FER1L6: variants seen among roughly 807,000 people sequenced by gnomAD.
FER1L6 encodes fer-1-like protein 6.
A neutral mutation model predicts 219.2 loss-of-function variants in FER1L6; 177 were observed. That is an observed-to-expected ratio of 0.81 (90% CI 0.71 to 0.91). The LOEUF (loss-of-function observed/expected upper bound fraction) is 0.91, where lower values mean the gene tolerates loss of function less well. FER1L6 is among the 40% of genes least tolerant of loss of function. The probability of loss-of-function intolerance (pLI) is 0.00; values close to 1 mark genes in which losing one functional copy is unlikely to be tolerated. For missense variants in FER1L6, 2,153 were observed against 2,259.9 expected (o/e 0.95, Z 0.96); for synonymous variants, 768 against 824.3 (o/e 0.93, Z 1.17).
At chr8:123,958,970 G>A (rs777257667) in intron 2 of FER1L6, among the ~76,000 whole-genome samples, 6 of 151,950 alleles carry the variant, frequency 3.9e-5, no homozygotes, top group Non-Finnish European at 8.8e-5. Flanking sequence ...GGCCACGCAG[G>A]CAGTAAGCGT....
chr8:123,910,237 A>G (rs1223150606), intron 1 of FER1L6, among the ~76,000 whole-genome samples: 1 of 152,210 alleles, frequency 6.6e-6, no homozygotes, highest in Non-Finnish European at 1.5e-5. Flanking sequence ...TCAAACAGTA[A>G]TGATGATAAT....
At position 123,897,890 on chromosome 8, in the gene FER1L6, T is replaced by A. The variant is rs554738856; in HGVS notation, c.-8+45705T>A. On this transcript the variant is annotated intron_variant, in intron 1 of 40. Coordinates refer to ENST00000522917, the MANE Select transcript of FER1L6 (RefSeq NM_001039112.2). ...TGTTAGGCTTTATGGGACATTTGTCTCTGTCATGACTACTCAACTCAGCTG... is the reference window on the plus strand; with the variant it reads ...TGTTAGGCTTTATGGGACATTTGTCACTGTCATGACTACTCAACTCAGCTG... Among the ~76,000 whole-genome samples the A allele has an allele frequency of 7.9e-5, 12 of 152,332 alleles. No individual in the cohort carries two copies. The East Asian group carries it at 2.3e-3, about 29-fold the overall frequency.
intron 1 of FER1L6, among the ~76,000 whole-genome samples, chr8:123,916,524 C>T (rs934072549): frequency 6.6e-6 from 1 of 152,168 alleles, no homozygotes; most frequent in Non-Finnish European, 1.5e-5. Context: ...ACAATCAGTT[C>T]CATCTAGTCA....
intron 1 of FER1L6, among the ~76,000 whole-genome samples, chr8:123,867,138 C>T (rs1406822748): frequency 1.3e-5 from 2 of 152,066 alleles, no homozygotes; most frequent in Non-Finnish European, 2.9e-5. Flanking sequence ...AAAGTGTTGC[C>T]TAGACCAATG....
chr8:124,064,547 GAGCCACCA>G lies in FER1L6; in HGVS notation c.3531_3538del (p.Pro1178ArgfsTer5), dbSNP rs1453972315. The G allele has an allele frequency of 5.6e-6, 9 of 1,609,830 alleles. No individual in the cohort carries two copies. Among genetic ancestry groups the G allele is most frequent in the Non-Finnish European group, 7.6e-6 (9 of 1,179,052 alleles). On this transcript the variant is annotated frameshift_variant, in exon 26 of 41. Coordinates refer to ENST00000522917, the MANE Select transcript of FER1L6 (RefSeq NM_001039112.2). LOFTEE classifies it high-confidence loss of function. ...GCCTGAACACACACCTGTAGCCCAG[GAGCCACCA>G]AAAGATGGAAAACCTAAGGTCAGAC...
At chr8:123,866,346 AT>A (rs1398114556) in intron 1 of FER1L6, among the ~76,000 whole-genome samples, 1 of 151,724 alleles carries the variant, frequency 6.6e-6, no homozygotes, top group Non-Finnish European at 1.5e-5. Flanking sequence ...GTATATAAAA[AT>A]ATGTATATAT....
intron 39 of FER1L6, among the ~76,000 whole-genome samples, chr8:124,116,367 C>A (rs1421273995): frequency 1.4e-5 from 2 of 148,112 alleles, no homozygotes; most frequent in Non-Finnish European, 3.0e-5. Context: ...GCATGAAACA[C>A]CATGCAAGTT....
intron 1 of FER1L6, among the ~76,000 whole-genome samples, chr8:123,914,167 T>C (rs1273008849): frequency 6.6e-6 from 1 of 152,222 alleles, no homozygotes; most frequent in African/African-American, 2.4e-5. Context: ...GTGGCTACCA[T>C]ATTGGACAGT....
At chr8:124,023,762 G>T (rs1227667834) in intron 18 of FER1L6, among the ~76,000 whole-genome samples, 166 bp downstream of exon 18, 1 of 152,128 alleles carries the variant, frequency 6.6e-6, no homozygotes, top group Non-Finnish European at 1.5e-5. Context: ...CAATTCAGTA[G>T]ACCACCTTTA....
At chr8:124,074,838 G>A (rs953103823) in intron 31 of FER1L6, among the ~76,000 whole-genome samples, 1 of 152,122 alleles carries the variant, frequency 6.6e-6, no homozygotes, top group African/African-American at 2.4e-5. Flanking sequence ...CTATAAACCT[G>A]TGTAGCACAT....
rs1484960218 is a variant in FER1L6, at chr8:123,906,526, G to A, written c.-7-49466G>A. On this transcript the variant is annotated intron_variant, in intron 1 of 40. Transcript: ENST00000522917. Reference sequence around the variant, plus strand: ...TATAATAAAATGATTGTGGCTGGGTGCAGTGGCTCACACCTGTAATCCCAG... The same window carrying A: ...TATAATAAAATGATTGTGGCTGGGTACAGTGGCTCACACCTGTAATCCCAG... 2.6e-5 allele frequency among the ~76,000 whole-genome samples: 4 copies of A among 152,244 alleles called. No homozygotes were observed. The East Asian group carries it at 5.8e-4, about 22-fold the overall frequency.
At chr8:123,857,961 G>C (rs1816678000) in intron 1 of FER1L6, among the ~76,000 whole-genome samples, 1 of 152,204 alleles carries the variant, frequency 6.6e-6, no homozygotes, top group Admixed American at 6.5e-5. Flanking sequence ...CATCTCACCT[G>C]TGAGTGAGGT....
intron 1 of FER1L6, among the ~76,000 whole-genome samples, chr8:123,899,826 G>A (rs11775197): frequency 0.31 from 47,644 of 151,852 alleles, 8,188 homozygotes; most frequent in Middle Eastern, 0.41. Context: ...GTTTATTTCC[G>A]AGTTCTCTAT....
At chr8:123,907,471 G>A (rs1435525831) in intron 1 of FER1L6, among the ~76,000 whole-genome samples, 2 of 151,944 alleles carry the variant, frequency 1.3e-5, no homozygotes, top group Non-Finnish European at 2.9e-5. Flanking sequence ...GACTTTCACT[G>A]TGTCTAAGCT....
At chr8:123,950,431 C>T (rs1814708203) in intron 1 of FER1L6, among the ~76,000 whole-genome samples, 1 of 152,142 alleles carries the variant, frequency 6.6e-6, no homozygotes, top group South Asian at 2.1e-4. Context: ...ACAGCCTTGC[C>T]CTCTTGCCAT....
chr8:123,953,670 G>A (rs949940735), intron 1 of FER1L6, among the ~76,000 whole-genome samples: 2 of 152,120 alleles, frequency 1.3e-5, no homozygotes, highest in Non-Finnish European at 2.9e-5. Context: ...TGTCTCCCTC[G>A]GCAGATACTG....
At chr8:124,099,076 C>G (rs188056293) in intron 37 of FER1L6, among the ~76,000 whole-genome samples, 2 of 152,200 alleles carry the variant, frequency 1.3e-5, no homozygotes, top group South Asian at 2.1e-4. Flanking sequence ...TTGATCACTT[C>G]TTGTCCGTGT....
At chr8:124,118,749 C>A in intron 39 of FER1L6, 95 bp from the exon 40 acceptor site, 1 of 1,045,188 alleles carries the variant, frequency 9.6e-7, no homozygotes, top group Non-Finnish European at 1.4e-6. Context: ...AAAATACTTT[C>A]TGGAATTCTC....
At chr8:123,929,394 C>G (rs1422333019) in intron 1 of FER1L6, among the ~76,000 whole-genome samples, 1 of 152,178 alleles carries the variant, frequency 6.6e-6, no homozygotes, top group Non-Finnish European at 1.5e-5. Flanking sequence ...TCCACAGAGA[C>G]ATAGACAGTA....
Sources: gnomAD v4.1 joint callset for allele counts (sites outside exome capture counted in the v4.1 genomes callset) on GRCh38, gnomAD v4.1.1 for gene constraint, MANE v1.5 for transcripts, NCBI Gene and HGNC (gene_info 2026-07-23, HGNC 2026-07-21) for gene names.